LMF1: variants seen among roughly 807,000 people sequenced by gnomAD.
LMF1 encodes transmembrane protein 112.
LMF1 carries 68 observed loss-of-function variants against 60.6 expected under a neutral mutation model. That is an observed-to-expected ratio of 1.12 (90% confidence interval 0.92 to 1.37). LMF1 has a LOEUF of 1.37. LMF1 is among the 40% of genes most tolerant of loss of function. The pLI is 0.00. For missense variants in LMF1, 948 were observed against 767.2 expected (o/e 1.24, Z -2.78); for synonymous variants, 418 against 324.7 (o/e 1.29, Z -3.09).
intron 3 of LMF1, 189 bp downstream of exon 3, chr16:934,055 A>T (rs1286055622): frequency 6.6e-7 from 1 of 1,512,650 alleles, no homozygotes; most frequent in Non-Finnish European, 8.8e-7. Flanking sequence ...CTGGAAGCCC[A>T]GGAGCTCCCA....
intron 2 of LMF1, among the ~76,000 whole-genome samples, chr16:951,466 T>C (rs1597061445): frequency 6.6e-6 from 1 of 152,356 alleles, no homozygotes; most frequent in South Asian, 2.1e-4. Flanking sequence ...CGTGGCTTTA[T>C]GTAACAGGAA....
At position 879,626 on chromosome 16, in the gene LMF1, G is replaced by A. The variant is rs1326465253; in HGVS notation, c.841C>T (p.Leu281Phe). 30 of 1,613,424 alleles carry A rather than the reference G, an allele frequency of 1.9e-5. No homozygotes were observed. Among genetic ancestry groups the A allele is most frequent in the Non-Finnish European group, 2.5e-5 (30 of 1,179,780 alleles). ...ATGCACGCCCGCCGGCCGAGGAAGA[G>A]GAAGAAGGGCACCAGGAGCTCGATG... is the stretch of plus-strand genomic sequence containing the variant. ...HFIELLVPFF[L>F]FLGRRACIIH... is the part of the protein sequence containing the mutation. Residue 281 changes from leucine (L) to phenylalanine (F), a missense_variant, in exon 6 of 11, where the codon CTC becomes TTC. Physicochemically the swap from Leu to Phe is conservative, Grantham distance 22. Coordinates refer to ENST00000262301, the MANE Select transcript of LMF1 (RefSeq NM_022773.4).
At chr16:951,123 G>C (rs1475190518) in intron 2 of LMF1, among the ~76,000 whole-genome samples, 1 of 101,688 alleles carries the variant, frequency 9.8e-6, no homozygotes, top group Non-Finnish European at 1.8e-5. Context: ...GCCAATGACA[G>C]AGTCAGCCGA....
chr16:954,632 C>G lies in LMF1; in HGVS notation c.228G>C (p.Lys76Asn). The change falls in exon 2 of 11, where the codon AAG (lysine) becomes AAC (asparagine). Residue 76 changes from lysine to asparagine, a missense_variant. By Grantham distance (94) the Lys-to-Asn change is moderately conservative. Transcript: ENST00000262301. ...GCAGCCCCCTGTCACCGATGAGCTG[C>G]TTGTTCTGATGGAAAGCCACCAGGA... ...VAFLVAFHQN[K>N]QLIGDRGLLP... 1 of 1,605,130 alleles carries G rather than the reference C, an allele frequency of 6.2e-7. No individual in the cohort carries two copies. The highest frequency in any genetic ancestry group is 1.7e-5 in the Admixed American group (1 of 59,692).
At chr16:877,975 C>G (rs1180321002) in intron 6 of LMF1, among the ~76,000 whole-genome samples, 1 of 152,066 alleles carries the variant, frequency 6.6e-6, no homozygotes, top group African/African-American at 2.4e-5. Flanking sequence ...CCTACAAACG[C>G]GCGTGGGGTC....
intron 2 of LMF1, among the ~76,000 whole-genome samples, chr16:937,124 C>T (rs2071970044): frequency 6.6e-6 from 1 of 152,210 alleles, no homozygotes; most frequent in African/African-American, 2.4e-5. Flanking sequence ...AAAATGCATT[C>T]TTCTGTCACT....
At chr16:901,988 G>C (rs954781555) in intron 4 of LMF1, 6 of 152,486 alleles carry the variant, frequency 3.9e-5, no homozygotes, top group African/African-American at 1.4e-4. Flanking sequence ...GTGCAGTCAG[G>C]TGGCAGCCAA....
In LMF1 at chr16:970,844, G is replaced by A. The variant is rs974624219; in HGVS notation, c.137C>T (p.Thr46Met). The A allele has an allele frequency of 5.1e-6, 8 of 1,553,958 alleles. No individual in the cohort carries two copies. In the African/African-American group the frequency reaches 8.3e-5, roughly 16 times the overall value. ...GATCCGGGTCAGCCAGAAGGTGCCC[G>A]TGTGGAGATGGGCCGGAGAGCCTGC... ...GPAGSPAHLH[T>M]GTFWLTRIVL... Residue 46 changes from threonine to methionine, a missense_variant, in exon 1 of 11, where the codon ACG becomes ATG. By Grantham distance (81) the Thr-to-Met change is moderately conservative (BLOSUM62 -1). Transcript: ENST00000262301.
chr16:942,501 C>G (rs1224922979), intron 2 of LMF1, among the ~76,000 whole-genome samples: 1 of 152,020 alleles, frequency 6.6e-6, no homozygotes, highest in Non-Finnish European at 1.5e-5. Flanking sequence ...GGGCTCCAAT[C>G]ACAAGTATGT....
In LMF1 at chr16:931,850, C is replaced by T; in HGVS notation, c.514+2394G>A. The T allele has an allele frequency of 3.2e-6, 4 of 1,260,746 alleles. No homozygotes were observed. In the South Asian group the frequency reaches 5.0e-5, roughly 16 times the overall value. The allele number at this position is 1,260,746 out of a possible 1,614,324, so 78.1% of individuals were successfully genotyped here. The stretch of plus-strand genomic sequence containing the variant: ...CTCACGAGGGCTCTCAGGCGGAAAA[C>T]ATTAACATTAATGAGTCAACAATTC... On this transcript the variant is annotated intron_variant, in intron 3 of 10. Transcript: ENST00000262301.
chr16:869,838 TG>T, intron 9 of LMF1, 44 bp downstream of exon 9: 1 of 1,576,744 alleles, frequency 6.3e-7, no homozygotes. Context: ...CAGAAGAGGG[TG>T]GGGTACAGGC....
At chr16:925,740 G>T (rs948886920) in intron 3 of LMF1, among the ~76,000 whole-genome samples, 1 of 152,074 alleles carries the variant, frequency 6.6e-6, no homozygotes, top group East Asian at 1.9e-4. Flanking sequence ...TGTCTCTGAA[G>T]AAAAACTATA....
chr16:893,872 A>G (rs1331490300), intron 4 of LMF1, among the ~76,000 whole-genome samples: 1 of 151,952 alleles, frequency 6.6e-6, no homozygotes, highest in Non-Finnish European at 1.5e-5. Flanking sequence ...TCTCTCACAC[A>G]CTGGTGCATG....
chr16:858,656 G>A (rs1596828267), intron 10 of LMF1, among the ~76,000 whole-genome samples: 2 of 99,406 alleles, frequency 2.0e-5, no homozygotes, highest in Non-Finnish European at 4.0e-5. Context: ...CTCGGGACGG[G>A]TGTGAGTGGT....
intron 5 of LMF1, chr16:885,041 T>C (rs1214902318): frequency 6.6e-6 from 1 of 152,264 alleles, no homozygotes; most frequent in African/African-American, 2.4e-5. Flanking sequence ...GAAATGTCTC[T>C]GAAAGATAAC....
intron 1 of LMF1, among the ~76,000 whole-genome samples, chr16:955,350 C>T (rs1485230676): frequency 5.3e-5 from 4 of 75,580 alleles, no homozygotes; most frequent in South Asian, 5.0e-4. Context: ...TAAGTGAACC[C>T]GACCCGTTAC....
chr16:877,336 G>C (rs2070021388), intron 6 of LMF1, among the ~76,000 whole-genome samples: 1 of 152,206 alleles, frequency 6.6e-6, no homozygotes, highest in Non-Finnish European at 1.5e-5. Context: ...AAGAAGGAAT[G>C]GAAACTCTGC....
At position 869,982 on chromosome 16, in the gene LMF1, G is replaced by C. The variant is rs121909397; in HGVS notation, c.1317C>G (p.Tyr439Ter). 4 of 1,613,308 alleles carry C rather than the reference G, an allele frequency of 2.5e-6. No individual in the cohort carries two copies. The highest frequency in any genetic ancestry group is 3.3e-4 in the Middle Eastern group (2 of 6,062). ...GGTCACCTGGCTTGCACTTGAACTC[G>C]TAGTCCTCCCACATGGCATCGGGGG... Reference protein sequence around the residue: ...ASAPDAMWEDYEFKCKPGDPS... With the variant: ...ASAPDAMWED Residue 439 changes from tyrosine (Y) to a stop codon, truncating the protein, a stop_gained, in exon 9 of 11, where the codon TAC (tyrosine) becomes TAG (stop). Coordinates refer to ENST00000262301, the MANE Select transcript of LMF1 (RefSeq NM_022773.4). LOFTEE classifies it high-confidence loss of function.
At chr16:890,987 G>A (rs1295127069) in intron 5 of LMF1, among the ~76,000 whole-genome samples, 2 of 152,252 alleles carry the variant, frequency 1.3e-5, no homozygotes, top group African/African-American at 2.4e-5. Context: ...CTGAACTGGT[G>A]TTGACGGCTG....
Sources: gnomAD v4.1 joint callset for allele counts (sites outside exome capture counted in the v4.1 genomes callset) on GRCh38, gnomAD v4.1.1 for gene constraint, MANE v1.5 for transcripts, NCBI Gene and HGNC (gene_info 2026-07-23, HGNC 2026-07-21) for gene names.